The following RALGAPA1 variants were observed in gnomAD, a reference collection of about 807,000 sequenced individuals.
The protein encoded by RALGAPA1 is ral GTPase-activating protein subunit alpha-1.
Under a neutral mutation model 269.6 loss-of-function variants are expected in RALGAPA1, and 52 were observed. The observed-to-expected ratio is 0.19, with a 90% CI of 0.15 to 0.24. The LOEUF (loss-of-function observed/expected upper bound fraction) is 0.24, where lower values mean the gene tolerates loss of function less well. RALGAPA1 is among the 10% of genes least tolerant of loss of function. The probability of loss-of-function intolerance (pLI) is 1.00; values close to 1 mark genes in which losing one functional copy is unlikely to be tolerated. For synonymous variants in RALGAPA1, 817 were observed against 1,008.3 expected (o/e 0.81, Z 3.60); for missense variants, 1,917 against 3,013.9 (o/e 0.64, Z 8.52).
At position 35,689,478 on chromosome 14, in the gene RALGAPA1, A is replaced by T; in HGVS notation, c.2933T>A (p.Leu978Ter). 3 of 1,234,746 alleles carry T rather than the reference A, an allele frequency of 2.4e-6. No homozygotes were observed. The highest frequency in any genetic ancestry group is 3.0e-6 in the Non-Finnish European group (3 of 989,858). The allele number at this position is 1,234,746 out of a possible 1,614,324, so 76.5% of individuals were successfully genotyped here. ...VTIAVNRGER[L>*]SLDKLECTDQ... ...TGTGCATTCTAATTTATCTAAGGAT[A>T]ATCTTTCACCCCTATTTACTGCAAT... is the stretch of plus-strand genomic sequence containing the variant. Residue 978 changes from leucine (L) to a stop codon, truncating the protein, a stop_gained, in exon 18 of 42, where the codon TTA (leucine) becomes TAA (stop). Coordinates refer to ENST00000680220, the MANE Select transcript of RALGAPA1 (RefSeq NM_001346249.2). LOFTEE classifies it high-confidence loss of function.
chr14:35,716,118 G>C (rs2068795481), intron 16 of RALGAPA1: 1 of 982,838 alleles, frequency 1.0e-6, no homozygotes, highest in Non-Finnish European at 1.2e-6. Context: ...AGATGGTGAG[G>C]CATGGTGGCT....
At chr14:35,681,362 G>A (rs2065422671) in intron 21 of RALGAPA1, among the ~76,000 whole-genome samples, 1 of 152,118 alleles carries the variant, frequency 6.6e-6, no homozygotes, top group South Asian at 2.1e-4. Flanking sequence ...TCCCAGGAGA[G>A]ACCTAAAAAT....
chr14:35,576,778 C>T (rs2057591846), intron 37 of RALGAPA1, among the ~76,000 whole-genome samples: 1 of 152,140 alleles, frequency 6.6e-6, no homozygotes, highest in Admixed American at 6.5e-5. Context: ...CGCCTAAGGT[C>T]ATACAAATAG....
intron 39 of RALGAPA1, among the ~76,000 whole-genome samples, chr14:35,557,714 G>A (rs1321273776): frequency 6.6e-6 from 1 of 151,986 alleles, no homozygotes; most frequent in Non-Finnish European, 1.5e-5. Flanking sequence ...AGAGAACACA[G>A]GATATGGAAT....
In RALGAPA1 at chr14:35,582,395, G is replaced by A. The variant is rs146340410; in HGVS notation, c.7210-9677C>T. 2.7e-3 allele frequency among the ~76,000 whole-genome samples: 412 copies of A among 152,264 alleles called. 2 individuals carry two copies. The highest frequency in any genetic ancestry group is 7.1e-3 in the African/African-American group (296 of 41,542). ...TTGATCTAACAACAAATAAAATGCC[G>A]AACAAACTGAAAATCAACAATTCTT... On this transcript the variant is annotated intron_variant, in intron 37 of 41. Transcript: ENST00000680220.
chr14:35,667,954 C>T (rs576257126), intron 26 of RALGAPA1, among the ~76,000 whole-genome samples: 2 of 152,266 alleles, frequency 1.3e-5, no homozygotes, highest in Admixed American at 6.5e-5. Flanking sequence ...TACTTATACA[C>T]AATGAAACAT....
At chr14:35,766,328 A>G in intron 4 of RALGAPA1, 4 of 1,137,892 alleles carry the variant, frequency 3.5e-6, no homozygotes, top group South Asian at 1.3e-5. Context: ...CTGTTAAACC[A>G]TTCATGATTC....
intron 4 of RALGAPA1, chr14:35,766,685 G>C (rs1402453579): frequency 6.4e-6 from 4 of 625,120 alleles, no homozygotes; most frequent in Non-Finnish European, 1.2e-5. Context: ...ATGTTTTCTT[G>C]TTAAAATAAA....
intron 15 of RALGAPA1, among the ~76,000 whole-genome samples, chr14:35,722,564 A>G (rs1278482896): frequency 1.3e-5 from 2 of 151,798 alleles, no homozygotes; most frequent in African/African-American, 2.4e-5. Flanking sequence ...GTGAGCCATG[A>G]CTGTGCTACT....
In RALGAPA1 at chr14:35,595,559, TCTTA is replaced by T. The variant is rs202126353; in HGVS notation, c.7209+71_7209+74del. 4,939 of 1,316,788 alleles carry T rather than the reference TCTTA, an allele frequency of 3.8e-3. 138 individuals are homozygous for T. The African/African-American group carries it at 0.061, about 16-fold the overall frequency. The allele number at this position is 1,316,788 out of a possible 1,614,324, so 81.6% of individuals were successfully genotyped here. On this transcript the variant is annotated intron_variant, in intron 37 of 41. Coordinates refer to ENST00000680220, the MANE Select transcript of RALGAPA1 (RefSeq NM_001346249.2). ...GAAACAGTGCTTGATCAATTCGATT[TCTTA>T]CTTACGTATTTTCTGTATTAACTGT...
In RALGAPA1 at chr14:35,794,492, C is replaced by T. The variant is rs921051501; in HGVS notation, c.106+14238G>A. On this transcript the variant is annotated intron_variant, in intron 1 of 41. Coordinates refer to ENST00000680220, the MANE Select transcript of RALGAPA1 (RefSeq NM_001346249.2). Reference sequence around the variant, plus strand: ...TTTGTTTTGAGATGGAGTCTCCCTCCGTTGCCCAGGCTGGAGTGCAGTGGC... The same window carrying T: ...TTTGTTTTGAGATGGAGTCTCCCTCTGTTGCCCAGGCTGGAGTGCAGTGGC... Among the ~76,000 whole-genome samples, 8 of 152,080 alleles carry T rather than the reference C, an allele frequency of 5.3e-5. No individual in the cohort carries two copies. The South Asian group carries it at 8.3e-4, about 16-fold the overall frequency.
At chr14:35,604,070 C>T (rs557745966) in intron 36 of RALGAPA1, among the ~76,000 whole-genome samples, 2 of 152,174 alleles carry the variant, frequency 1.3e-5, no homozygotes, top group African/African-American at 4.8e-5. Context: ...GAACTGATCA[C>T]TACACATTGT....
intron 16 of RALGAPA1, among the ~76,000 whole-genome samples, chr14:35,703,638 A>G (rs1427306827): frequency 6.6e-6 from 1 of 152,214 alleles, no homozygotes; most frequent in African/African-American, 2.4e-5. Flanking sequence ...AATTATTTAC[A>G]ATGAATTAGC....
intron 1 of RALGAPA1, among the ~76,000 whole-genome samples, chr14:35,805,683 C>CTTT (rs760045509): frequency 3.0e-5 from 4 of 135,488 alleles, no homozygotes; most frequent in East Asian, 2.1e-4. Flanking sequence ...TTTTCTTTTT[C>CTTT]TTTTTTTTTT....
At chr14:35,547,137 T>C (rs1487582037) in intron 41 of RALGAPA1, among the ~76,000 whole-genome samples, 2 of 152,114 alleles carry the variant, frequency 1.3e-5, no homozygotes, top group Non-Finnish European at 2.9e-5. Context: ...CTCTTAAAAA[T>C]TAACTGAAAA....
intron 3 of RALGAPA1, among the ~76,000 whole-genome samples, chr14:35,771,238 A>G (rs1463781698): frequency 2.6e-5 from 4 of 152,076 alleles, no homozygotes; most frequent in South Asian, 2.1e-4. Flanking sequence ...TACTAAAAAT[A>G]CAAAAATTAG....
chr14:35,609,238 A>C (rs981320479), intron 35 of RALGAPA1, among the ~76,000 whole-genome samples: 2 of 151,800 alleles, frequency 1.3e-5, no homozygotes, highest in Admixed American at 1.3e-4. Flanking sequence ...AAAAAAAAAA[A>C]CCAAAAAACA....
At chr14:35,784,220 A>C (rs1286571397) in intron 1 of RALGAPA1, among the ~76,000 whole-genome samples, 1 of 152,184 alleles carries the variant, frequency 6.6e-6, no homozygotes, top group Non-Finnish European at 1.5e-5. Context: ...AAATAACCCA[A>C]ATGTCCATCA....
In RALGAPA1 at chr14:35,728,468, C is replaced by T. The variant is rs2070176669; in HGVS notation, c.1630G>A (p.Ala544Thr). The change falls in exon 13 of 42, where the codon GCA (alanine) becomes ACA (threonine). Residue 544 changes from alanine to threonine, a missense_variant. Transcript: ENST00000680220. ...NSSNIFLLEP[A>T]NEIKNLLDEH... ...TCCAGAAGATTTTTTATTTCATTTG[C>T]AGGTTCAAGAAGAAATATATTTGAT... 16 of 1,606,930 alleles carry T rather than the reference C, an allele frequency of 1.0e-5. 1 individual carries two copies. The highest frequency in any genetic ancestry group is 1.4e-5 in the Non-Finnish European group (16 of 1,177,370).
Sources: gnomAD v4.1 joint callset for allele counts (sites outside exome capture counted in the v4.1 genomes callset) on GRCh38, gnomAD v4.1.1 for gene constraint, MANE v1.5 for transcripts, NCBI Gene and HGNC (gene_info 2026-07-23, HGNC 2026-07-21) for gene names.